GRXCR1: variants seen among roughly 807,000 people sequenced by gnomAD.
The protein encoded by GRXCR1 is glutaredoxin domain-containing cysteine-rich protein 1.
In GRXCR1, 27 loss-of-function variants were observed where a neutral mutation model predicts 27.3. That is an observed-to-expected ratio of 0.99 (90% CI 0.73 to 1.37). The LOEUF is 1.37. Ranked by LOEUF, GRXCR1 falls within the 40% of genes most tolerant of loss-of-function variation. The pLI is 0.00. For synonymous variants in GRXCR1, 122 were observed against 131.1 expected (o/e 0.93, Z 0.47); for missense variants, 379 against 354.4 (o/e 1.07, Z -0.56).
intron 1 of GRXCR1, among the ~76,000 whole-genome samples, chr4:42,912,680 C>T (rs949557924): frequency 1.3e-5 from 2 of 152,100 alleles, no homozygotes; most frequent in African/African-American, 4.8e-5. Context: ...CCCTTATTAT[C>T]TTATAAAAAG....
At chr4:42,964,996 C>A (rs906739634) in intron 2 of GRXCR1, among the ~76,000 whole-genome samples, 1 of 152,014 alleles carries the variant, frequency 6.6e-6, no homozygotes, top group Non-Finnish European at 1.5e-5. Flanking sequence ...TGTGCAACTG[C>A]ACAGTTAAAA....
intron 1 of GRXCR1, among the ~76,000 whole-genome samples, chr4:42,924,795 C>A (rs1315446199): frequency 6.6e-6 from 1 of 151,850 alleles, no homozygotes; most frequent in Non-Finnish European, 1.5e-5. Context: ...AGCAAACTTC[C>A]AAAAGGAAAG....
At chr4:43,010,689 A>AT (rs113065414) in intron 2 of GRXCR1, among the ~76,000 whole-genome samples, 11,671 of 152,142 alleles carry the variant, frequency 0.077, 793 homozygotes, top group African/African-American at 0.19. Context: ...TAAAAAAGTG[A>AT]TTTTTAAGAG....
In GRXCR1 at chr4:42,987,222, T is replaced by TATATTATATA. The variant is rs369022273; in HGVS notation, c.627+24088_627+24089insATATTATATA. Among the ~76,000 whole-genome samples the TATATTATATA allele has an allele frequency of 4.3e-3, 433 of 100,542 alleles. 6 individuals are homozygous for TATATTATATA. Among genetic ancestry groups the TATATTATATA allele is most frequent in the African/African-American group, 0.016 (416 of 26,130 alleles). The allele number at this position is 100,542 out of a possible 152,430, so 66.0% of individuals were successfully genotyped here. On this transcript the variant is annotated intron_variant, in intron 2 of 3. Coordinates refer to ENST00000399770, the MANE Select transcript of GRXCR1 (RefSeq NM_001080476.3). ...TTTTCATATATATATTATATATATA[T>TATATTATATA]TATATATTATATATATATAATATAT...
chr4:42,959,535 G>A (rs1183664492), intron 1 of GRXCR1, among the ~76,000 whole-genome samples: 1 of 151,934 alleles, frequency 6.6e-6, no homozygotes, highest in African/African-American at 2.4e-5. Context: ...TAAAAGAATA[G>A]GTTTTAGGCA....
At chr4:43,021,098 G>A (rs1362575704) in intron 3 of GRXCR1, among the ~76,000 whole-genome samples, 1 of 152,092 alleles carries the variant, frequency 6.6e-6, no homozygotes. Context: ...AGGTCATATG[G>A]TTATCCAGTA....
At chr4:42,895,283 C>A (rs1348266594) in intron 1 of GRXCR1, among the ~76,000 whole-genome samples, 1 of 152,036 alleles carries the variant, frequency 6.6e-6, no homozygotes, top group Non-Finnish European at 1.5e-5. Context: ...ATAAAACTGC[C>A]TTTTTCTAAT....
At chr4:43,004,340 A>C (rs574976966) in intron 2 of GRXCR1, among the ~76,000 whole-genome samples, 1 of 152,240 alleles carries the variant, frequency 6.6e-6, no homozygotes, top group African/African-American at 2.4e-5. Context: ...CCCATGGAGA[A>C]CCTCTACTAG....
intron 1 of GRXCR1, among the ~76,000 whole-genome samples, chr4:42,913,803 C>G (rs556701794): frequency 2.0e-4 from 30 of 152,270 alleles, no homozygotes; most frequent in African/African-American, 7.2e-4. Flanking sequence ...GCCCAGGGCC[C>G]CCGCTTCTCT....
At chr4:42,997,308 T>C (rs1170788982) in intron 2 of GRXCR1, among the ~76,000 whole-genome samples, 1 of 152,162 alleles carries the variant, frequency 6.6e-6, no homozygotes, top group Admixed American at 6.5e-5. Context: ...CAGAGTAGAT[T>C]AGCAAATTGT....
At chr4:42,899,702 C>T (rs1361129029) in intron 1 of GRXCR1, among the ~76,000 whole-genome samples, 1 of 152,118 alleles carries the variant, frequency 6.6e-6, no homozygotes, top group African/African-American at 2.4e-5. Context: ...GTGACTCTGA[C>T]CATTAGCACC....
At position 43,000,112 on chromosome 4, in the gene GRXCR1, C is replaced by T. The variant is rs575772602; in HGVS notation, c.628-20242C>T. ...AAAATCTTGCACTATCCTGCTTTGT[C>T]CCTTGGCATGTGAATCATCTCTTTG... On this transcript the variant is annotated intron_variant, in intron 2 of 3. Transcript: ENST00000399770. 7.2e-5 allele frequency among the ~76,000 whole-genome samples: 11 copies of T among 152,248 alleles called. No homozygotes were observed. The South Asian group carries it at 2.3e-3, about 32-fold the overall frequency.
intron 1 of GRXCR1, among the ~76,000 whole-genome samples, chr4:42,914,511 A>T (rs1746841880): frequency 6.6e-6 from 1 of 152,170 alleles, no homozygotes; most frequent in South Asian, 2.1e-4. Context: ...CCTTCATTGT[A>T]TCTGGGAAGT....
At chr4:42,957,349 T>C (rs1297706718) in intron 1 of GRXCR1, among the ~76,000 whole-genome samples, 3 of 152,126 alleles carry the variant, frequency 2.0e-5, no homozygotes. Context: ...TATGGAATTA[T>C]ATTGTTTGCT....
chr4:43,024,108 G>A (rs1468567244), intron 3 of GRXCR1, among the ~76,000 whole-genome samples: 1 of 150,236 alleles, frequency 6.7e-6, no homozygotes, highest in Non-Finnish European at 1.5e-5. Context: ...CTCCAAGTAA[G>A]CTTTGCCTTG....
Position 42,965,576 on chromosome 4 carries a change from A to G in GRXCR1, c.627+2442A>G, listed in dbSNP as rs987169454. 9.9e-5 allele frequency among the ~76,000 whole-genome samples: 15 copies of G among 152,186 alleles called. No homozygotes were observed. The South Asian group carries it at 2.1e-3, about 21-fold the overall frequency. ...GGACACCTGGTGAAATGTAATTTTA[A>G]GGGAGGAAAAGAAGCTGATGTTGGT... On this transcript the variant is annotated intron_variant, in intron 2 of 3. Coordinates refer to ENST00000399770, the MANE Select transcript of GRXCR1 (RefSeq NM_001080476.3).
At chr4:42,971,040 C>A (rs1748374272) in intron 2 of GRXCR1, among the ~76,000 whole-genome samples, 1 of 152,086 alleles carries the variant, frequency 6.6e-6, no homozygotes, top group Admixed American at 6.6e-5. Context: ...TCATCAATTT[C>A]TAGTTAAAAG....
chr4:43,027,891 C>T (rs1206323502), intron 3 of GRXCR1, among the ~76,000 whole-genome samples: 1 of 152,136 alleles, frequency 6.6e-6, no homozygotes, highest in Non-Finnish European at 1.5e-5. Flanking sequence ...GGGTGGATCA[C>T]TTGAGTTAGG....
At chr4:42,907,134 G>A (rs886487475) in intron 1 of GRXCR1, among the ~76,000 whole-genome samples, 7 of 152,194 alleles carry the variant, frequency 4.6e-5, no homozygotes, top group South Asian at 4.1e-4. Context: ...CAGCCCAGAC[G>A]CTGGAGATGG....
Sources: allele counts gnomAD v4.1 joint callset (sites outside exome capture counted in the v4.1 genomes callset), GRCh38; gene constraint gnomAD v4.1.1; transcripts MANE v1.5; gene names NCBI Gene and HGNC (gene_info 2026-07-23, HGNC 2026-07-21).